The following CTDSPL variants were observed in gnomAD, a reference collection of about 807,000 sequenced individuals.
CTDSPL encodes the protein CTD small phosphatase-like protein.
In CTDSPL, 8 loss-of-function variants were observed where a neutral mutation model predicts 30.5. The ratio of observed to expected loss-of-function variants is 0.26; its 90% CI spans 0.15 to 0.47. CTDSPL has a LOEUF of 0.47. CTDSPL is among the 20% of genes least tolerant of loss of function. The pLI is 0.99. For synonymous variants in CTDSPL, 110 were observed against 137.9 expected, an observed-to-expected ratio of 0.80 and a Z score of 1.42; for missense variants, 248 against 366.1, an observed-to-expected ratio of 0.68 and a Z score of 2.63.
At chr3:37,930,928 CTTTG>C (rs908267741) in intron 1 of CTDSPL, among the ~76,000 whole-genome samples, 6 of 152,192 alleles carry the variant, frequency 3.9e-5, no homozygotes, top group African/African-American at 1.4e-4. Context: ...TATGTAATAT[CTTTG>C]TTTGTCTCTT....
intron 1 of CTDSPL, among the ~76,000 whole-genome samples, chr3:37,934,861 A>C (rs1194521163): frequency 6.6e-6 from 1 of 152,298 alleles, no homozygotes; most frequent in Non-Finnish European, 1.5e-5. Flanking sequence ...AACATCTATT[A>C]TTAGAGGCCT....
intron 1 of CTDSPL, among the ~76,000 whole-genome samples, chr3:37,863,066 C>T (rs1559618957): frequency 6.6e-6 from 1 of 152,156 alleles, no homozygotes; most frequent in Non-Finnish European, 1.5e-5. Flanking sequence ...GTTGGTTGTG[C>T]AAGTGCTGGA....
At chr3:37,863,413 C>A (rs1186998696) in intron 1 of CTDSPL, among the ~76,000 whole-genome samples, 6 of 152,208 alleles carry the variant, frequency 3.9e-5, no homozygotes, top group Non-Finnish European at 8.8e-5. Context: ...CCCTCTCTTG[C>A]ATGCCTGGAA....
At chr3:37,890,092 C>T (rs750382087) in intron 1 of CTDSPL, among the ~76,000 whole-genome samples, 1 of 152,180 alleles carries the variant, frequency 6.6e-6, no homozygotes, top group Non-Finnish European at 1.5e-5. Flanking sequence ...ATGAGAAGCC[C>T]AGTGGTGTAG....
At chr3:37,945,602 C>G (rs933503621) in intron 1 of CTDSPL, among the ~76,000 whole-genome samples, 6 of 152,222 alleles carry the variant, frequency 3.9e-5, no homozygotes, top group Non-Finnish European at 8.8e-5. Flanking sequence ...TCTGGCCTGA[C>G]CTGCCTTTGA....
intron 1 of CTDSPL, among the ~76,000 whole-genome samples, chr3:37,904,768 A>G (rs760589912): frequency 9.9e-5 from 15 of 151,982 alleles, no homozygotes; most frequent in Non-Finnish European, 1.9e-4. Context: ...CCTGATCCAA[A>G]TCTCTGCTAC....
intron 4 of CTDSPL, among the ~76,000 whole-genome samples, chr3:37,965,703 C>G (rs1699292489): frequency 6.6e-6 from 1 of 152,238 alleles, no homozygotes; most frequent in Non-Finnish European, 1.5e-5. Flanking sequence ...TGTGCCCAAA[C>G]ACCTTTCTAC....
Position 37,975,613 on chromosome 3 carries a change from A to G in CTDSPL, c.520-96A>G. The G allele has an allele frequency of 8.8e-7, 1 of 1,139,120 alleles. No individual in the cohort carries two copies. The highest frequency in any genetic ancestry group is 1.6e-5 in the South Asian group (1 of 61,502). The allele number at this position is 1,139,120 out of a possible 1,614,324, so 70.6% of individuals were successfully genotyped here. On this transcript the variant is annotated intron_variant, in intron 6 of 7. Transcript: ENST00000273179. The surrounding 1 kb of genome is among the most constrained non-coding windows in gnomAD (Gnocchi z 4.9). Reference sequence around the variant, plus strand: ...TAAGACACATCTAATTATTAAATCCATTTTTAAAAAACGTAATCTGGATCT... The same window carrying G: ...TAAGACACATCTAATTATTAAATCCGTTTTTAAAAAACGTAATCTGGATCT...
chr3:37,918,199 T>C (rs73058924), intron 1 of CTDSPL, among the ~76,000 whole-genome samples: 5,780 of 152,256 alleles, frequency 0.038, 133 homozygotes, highest in African/African-American at 0.062. Context: ...TCTCTGCCTC[T>C]AACCAGCCAA....
chr3:37,960,557 C>T (rs1474240063), intron 3 of CTDSPL, among the ~76,000 whole-genome samples: 1 of 125,824 alleles, frequency 7.9e-6, no homozygotes, highest in African/African-American at 3.1e-5. Flanking sequence ...CACACACACA[C>T]ACACACACAC....
chr3:37,897,272 C>T (rs1183227865), intron 1 of CTDSPL, among the ~76,000 whole-genome samples: 1 of 152,092 alleles, frequency 6.6e-6, no homozygotes, highest in Non-Finnish European at 1.5e-5. Flanking sequence ...AAAAAAATGA[C>T]TGTGCTGTTA....
At chr3:37,960,262 C>T (rs1034523706) in intron 3 of CTDSPL, among the ~76,000 whole-genome samples, 4 of 151,704 alleles carry the variant, frequency 2.6e-5, no homozygotes, top group African/African-American at 7.3e-5. Flanking sequence ...GGGCAGATCA[C>T]CTGAGGTCGG....
intron 1 of CTDSPL, among the ~76,000 whole-genome samples, chr3:37,879,917 A>G (rs62239963): frequency 0.059 from 8,947 of 151,760 alleles, 296 homozygotes; most frequent in African/African-American, 0.082. Context: ...ATTATTATTA[A>G]TACTATCTCT....
intron 1 of CTDSPL, among the ~76,000 whole-genome samples, chr3:37,899,719 G>A (rs923343928): frequency 2.0e-5 from 3 of 152,202 alleles, no homozygotes; most frequent in South Asian, 2.1e-4. Flanking sequence ...GGAGCCTTGA[G>A]TCCCAAAGAC....
intron 1 of CTDSPL, among the ~76,000 whole-genome samples, chr3:37,872,093 G>A (rs1290885163): frequency 6.6e-6 from 1 of 152,132 alleles, no homozygotes; most frequent in Non-Finnish European, 1.5e-5. Context: ...ATGGACTCAA[G>A]TGATCCTCCC....
At chr3:37,963,483 T>A (rs1699265401) in intron 3 of CTDSPL, among the ~76,000 whole-genome samples, 1 of 152,234 alleles carries the variant, frequency 6.6e-6, no homozygotes, top group South Asian at 2.1e-4. Flanking sequence ...TGAACTAAAT[T>A]GTCCATTCTT....
At chr3:37,897,064 G>T (rs1475597978) in intron 1 of CTDSPL, among the ~76,000 whole-genome samples, 1 of 152,092 alleles carries the variant, frequency 6.6e-6, no homozygotes, top group Non-Finnish European at 1.5e-5. Flanking sequence ...GTTGTTTCTT[G>T]CACAGATTAA....
Position 37,975,717 on chromosome 3 carries a change from C to A in CTDSPL, c.528C>A (p.Asp176Glu), listed in dbSNP as rs1355776521. The change falls in exon 7 of 8, where the codon GAC becomes GAA. Residue 176 changes from aspartate (D) to glutamate (E), a missense_variant. Around this residue, in one of 4 missense-constraint regions of CTDSPL, gnomAD observed 84 missense variants for 139.4 expected, o/e 0.60. Transcript: ENST00000273179. This position sits in a 1 kb window ranked among gnomAD's most constrained non-coding sequence, Gnocchi z 4.9. ...TGACACGTCTTTTCCAGTATGCAGA[C>A]CCTGTGGCTGACCTCCTAGACCGCT... is the stretch of plus-strand genomic sequence containing the variant. ...LFTASLAKYA[D>E]PVADLLDRWG... 6.2e-7 allele frequency: 1 copy of A among 1,613,216 alleles called. No individual in the cohort carries two copies. Among genetic ancestry groups the A allele is most frequent in the Non-Finnish European group, 8.5e-7 (1 of 1,179,522 alleles).
chr3:37,872,043 G>C (rs1055149616), intron 1 of CTDSPL, among the ~76,000 whole-genome samples: 1 of 152,156 alleles, frequency 6.6e-6, no homozygotes, highest in African/African-American at 2.4e-5. Flanking sequence ...CTAGAGCGGA[G>C]TGCAGTGGTG....
Sources: allele counts gnomAD v4.1 joint callset (sites outside exome capture counted in the v4.1 genomes callset), GRCh38; gene constraint gnomAD v4.1.1; regional missense constraint gnomAD v4.1.1; non-coding constraint Gnocchi (gnomAD v3.1); transcripts MANE v1.5; gene names NCBI Gene and HGNC (gene_info 2026-07-23, HGNC 2026-07-21).